Variants in MMP13 observed in about 807,000 individuals in gnomAD.
MMP13 encodes matrix metallopeptidase 13, also known as collagenase 3.
MMP13 carries 45 observed loss-of-function variants against 52.1 expected under a neutral mutation model. That is an observed-to-expected ratio of 0.86 (90% CI 0.68 to 1.11). MMP13 has a LOEUF of 1.11. Ranked by LOEUF, MMP13 falls within the 50% of genes least tolerant of loss-of-function variation. MMP13 has a pLI of 0.00. For missense variants in MMP13, 576 were observed against 583.8 expected (o/e 0.99, Z 0.14); for synonymous variants, 200 against 204.4 (o/e 0.98, Z 0.18).
intron 9 of MMP13, 22 bp downstream of exon 9, chr11:102,945,624 T>G: frequency 7.1e-7 from 1 of 1,399,196 alleles, no homozygotes. Context: ...CTCTTTAAAG[T>G]CAGTGCAATG....
Position 102,950,152 on chromosome 11 carries a change from G to A in MMP13, c.875C>T (p.Ala292Val). The A allele has an allele frequency of 6.2e-7, 1 of 1,613,676 alleles. No individual in the cohort carries two copies. The change falls in exon 6 of 10, where the codon GCC (alanine) becomes GTC (valine). Residue 292 changes from alanine to valine, a missense_variant. Ala to Val is a moderately conservative substitution (Grantham distance 64). Coordinates refer to ENST00000260302, the MANE Select transcript of MMP13 (RefSeq NM_002427.4). ...TGTTTCTCCTCGGAGACTGGTAATG[G>A]CATCAAGGGATAAGGAAGGGTCACA... ...DKCDPSLSLD[A>V]ITSLRGETMI... is the part of the protein sequence containing the mutation.
In MMP13 at chr11:102,955,418, C is replaced by T; in HGVS notation, c.196G>A (p.Glu66Lys). 6.2e-7 allele frequency: 1 copy of T among 1,614,052 alleles called. No individual in the cohort carries two copies. Among genetic ancestry groups the T allele is most frequent in the Non-Finnish European group, 8.5e-7 (1 of 1,179,946 alleles). The part of the protein sequence containing the change: ...LKENAASSMT[E>K]RLREMQSFFG... ...AAAGACTGCATTTCTCGGAGCCTCT[C>T]AGTCATGGAGCTTGCTGCATTCTCC... The change falls in exon 2 of 10, where the codon GAG (glutamate) becomes AAG (lysine). Residue 66 changes from glutamate to lysine, a missense_variant. Glu to Lys is a moderately conservative substitution (Grantham distance 56). Coordinates refer to ENST00000260302, the MANE Select transcript of MMP13 (RefSeq NM_002427.4). The surrounding 1 kb of genome is among the most constrained non-coding windows in gnomAD (Gnocchi z 4.9).
intron 8 of MMP13, among the ~76,000 whole-genome samples, chr11:102,947,381 T>C (rs1860527190): frequency 6.6e-6 from 1 of 152,038 alleles, no homozygotes; most frequent in South Asian, 2.1e-4. Context: ...GCCTGACCAG[T>C]GTGGCAAAAC....
chr11:102,948,987 C>G (rs375641186), intron 7 of MMP13, 38 bp downstream of exon 7: 9 of 1,612,796 alleles, frequency 5.6e-6, no homozygotes, highest in Middle Eastern at 1.7e-4. Context: ...CACTGCCTCC[C>G]CTGGTCTTGT....
Position 102,943,840 on chromosome 11 carries a change from T to C in MMP13, c.*426A>G, listed in dbSNP as rs182315436. ...TCCTTTGGTTTATTTCTTTTATGTA[T>C]GGCTCTCCCAAATTTCCATTTTCAT... On this transcript the variant is annotated 3_prime_UTR_variant, in exon 10 of 10. Coordinates refer to ENST00000260302, the MANE Select transcript of MMP13 (RefSeq NM_002427.4). The C allele has an allele frequency of 1.5e-3, 268 of 181,492 alleles. No individual in the cohort carries two copies. The highest frequency in any genetic ancestry group is 5.8e-3 in the African/African-American group (244 of 42,064). 11.2% of individuals were successfully genotyped at this position (181,492 alleles called of 1,614,324 possible). A position where few individuals can be genotyped will look rare whatever the true frequency, so the allele number is the denominator to read the frequency against.
chr11:102,955,579 A>G lies in MMP13; in HGVS notation c.120+7T>C, dbSNP rs1860685516. The G allele has an allele frequency of 1.2e-6, 2 of 1,613,806 alleles. No individual in the cohort carries two copies. Among genetic ancestry groups the G allele is most frequent in the African/African-American group, 1.3e-5 (1 of 74,944 alleles). Reference sequence around the variant, plus strand: ...ACCGCATCATCAGGATTGGCAAGATACTCTACCTCTGCAAACTGGAGGTCT... The same window carrying G: ...ACCGCATCATCAGGATTGGCAAGATGCTCTACCTCTGCAAACTGGAGGTCT... On this transcript the variant is annotated splice_region_variant and intron_variant, in intron 1 of 9. Coordinates refer to ENST00000260302, the MANE Select transcript of MMP13 (RefSeq NM_002427.4). The surrounding 1 kb of genome is among the most constrained non-coding windows in gnomAD (Gnocchi z 4.9).
chr11:102,951,806 G>A (rs1555017359), intron 5 of MMP13, among the ~76,000 whole-genome samples: 3 of 152,154 alleles, frequency 2.0e-5, no homozygotes, highest in African/African-American at 7.2e-5. Context: ...GCAGGCACAT[G>A]TAACACAATG....
In MMP13 at chr11:102,947,949, C is replaced by T. The variant is rs1272118147; in HGVS notation, c.1153G>A (p.Ala385Thr). 1 of 1,613,830 alleles carries T rather than the reference C, an allele frequency of 6.2e-7. No individual in the cohort carries two copies. Among genetic ancestry groups the T allele is most frequent in the Non-Finnish European group, 8.5e-7 (1 of 1,179,916 alleles). The change falls in exon 8 of 10, where the codon GCT becomes ACT. Residue 385 changes from alanine (A) to threonine (T), a missense_variant. Ala to Thr is a moderately conservative substitution (Grantham distance 58). Transcript: ENST00000260302. ...TTGCCTGTATCCTCAAAGTGAACAG[C>T]TGCACTTATCTTCTTAACTTCTTTT... ...LPKEVKKISA[A>T]VHFEDTGKTL...
At position 102,952,117 on chromosome 11, in the gene MMP13, G is replaced by GGTCAAGAC. The variant is rs1185806184; in HGVS notation, c.686_693dup (p.His232ValfsTer73). 14 of 1,613,180 alleles carry GGTCAAGAC rather than the reference G, an allele frequency of 8.7e-6. No individual in the cohort carries two copies. The highest frequency in any genetic ancestry group is 1.2e-5 in the Non-Finnish European group (14 of 1,179,436). ...ATGAGTGCTCCAGGGTCCTTGGAGT[G>GGTCAAGAC]GTCAAGACCTAAGGAGTGGCCGAAC... is the stretch of plus-strand genomic sequence containing the variant. On this transcript the variant is annotated frameshift_variant, in exon 5 of 10. Transcript: ENST00000260302. LOFTEE classifies it high-confidence loss of function. This position sits in a 1 kb window ranked among gnomAD's most constrained non-coding sequence, Gnocchi z 4.3.
chr11:102,955,686 G>A lies in MMP13; in HGVS notation c.20C>T (p.Ala7Val), dbSNP rs760915237. The A allele has an allele frequency of 6.2e-7, 1 of 1,613,980 alleles. No individual in the cohort carries two copies. Among genetic ancestry groups the A allele is most frequent in the Admixed American group, 1.7e-5 (1 of 59,996 alleles). Residue 7 changes from alanine (A) to valine (V), a missense_variant, in exon 1 of 10, where the codon GCT (alanine) becomes GTT (valine). By Grantham distance (64) the Ala-to-Val change is moderately conservative (BLOSUM62 0). Transcript: ENST00000260302. This position sits in a 1 kb window ranked among gnomAD's most constrained non-coding sequence, Gnocchi z 4.9. MHPGVL[A>V]AFLFLSWTHC... Reference sequence around the variant, plus strand: ...AGTCCAGCTCAAGAAGAGGAAGGCAGCCAGGACCCCTGGATGCATCTTGAA... The same window carrying A: ...AGTCCAGCTCAAGAAGAGGAAGGCAACCAGGACCCCTGGATGCATCTTGAA...
In MMP13 at chr11:102,952,280, T is replaced by A; in HGVS notation, c.638-107A>T. On this transcript the variant is annotated intron_variant, in intron 4 of 9. Coordinates refer to ENST00000260302, the MANE Select transcript of MMP13 (RefSeq NM_002427.4). The surrounding 1 kb of genome is among the most constrained non-coding windows in gnomAD (Gnocchi z 4.3). ...GTATGTTTCTTTCTTGGCTATATACTTTCTTTTCTCTTTCTTCAGTCTCCT... is the reference window on the plus strand; with the variant it reads ...GTATGTTTCTTTCTTGGCTATATACATTCTTTTCTCTTTCTTCAGTCTCCT... 1 of 1,284,524 alleles carries A rather than the reference T, an allele frequency of 7.8e-7. No individual in the cohort carries two copies. The highest frequency in any genetic ancestry group is 1.1e-6 in the Non-Finnish European group (1 of 903,094). The allele number at this position is 1,284,524 out of a possible 1,614,324, so 79.6% of individuals were successfully genotyped here. A position where few individuals can be genotyped will look rare whatever the true frequency, so the allele number is the denominator to read the frequency against.
In MMP13 at chr11:102,949,273, C is replaced by A; in HGVS notation, c.918-115G>T. ...CAAGTTAGATACAACCAATACCTCC[C>A]ACCTGTGAAGGGAAAAAAAATTCCA... On this transcript the variant is annotated intron_variant, in intron 6 of 9. Transcript: ENST00000260302. The surrounding 1 kb of genome is among the most constrained non-coding windows in gnomAD (Gnocchi z 4.2). 1 of 1,340,446 alleles carries A rather than the reference C, an allele frequency of 7.5e-7. No homozygotes were observed. The allele number at this position is 1,340,446 out of a possible 1,614,324, so 83.0% of individuals were successfully genotyped here.
Position 102,955,141 on chromosome 11 carries a change from G to C in MMP13, c.362+111C>G. 8.0e-7 allele frequency: 1 copy of C among 1,242,240 alleles called. No homozygotes were observed. The allele number at this position is 1,242,240 out of a possible 1,614,324, so 77.0% of individuals were successfully genotyped here. ...AGGTATTCTCGGCAACCATATTAAA[G>C]CTATTCTGGAATTTAACTGCCAATT... On this transcript the variant is annotated intron_variant, in intron 2 of 9. Coordinates refer to ENST00000260302, the MANE Select transcript of MMP13 (RefSeq NM_002427.4). This position sits in a 1 kb window ranked among gnomAD's most constrained non-coding sequence, Gnocchi z 4.9.
chr11:102,944,771 CTTTT>C (rs557080076), intron 9 of MMP13, among the ~76,000 whole-genome samples: 1 of 95,728 alleles, frequency 1.0e-5, no homozygotes, highest in Non-Finnish European at 2.1e-5. Context: ...CCACTCCCAG[CTTTT>C]TTTTTTTTTT....
chr11:102,946,637 A>T (rs116599958), intron 8 of MMP13, among the ~76,000 whole-genome samples: 1 of 152,336 alleles, frequency 6.6e-6, no homozygotes, highest in African/African-American at 2.4e-5. Context: ...GGAGAGATGC[A>T]GGGAAGGATC....
rs781966264 is a variant in MMP13 at position 102,944,298 on chromosome 11, C to T, written c.1384G>A (p.Val462Ile). ...YSIWSNRIVR[V>I]MPANSILWC ...CACAAAATGGAATTTGCTGGCATGACGCGAACAATACGGTTACTCCAGATG... is the reference window on the plus strand; with the variant it reads ...CACAAAATGGAATTTGCTGGCATGATGCGAACAATACGGTTACTCCAGATG... The change falls in exon 10 of 10, where the codon GTC becomes ATC. Residue 462 changes from valine to isoleucine, a missense_variant. Transcript: ENST00000260302. 9.1e-5 allele frequency: 146 copies of T among 1,612,990 alleles called. No homozygotes were observed. The highest frequency in any genetic ancestry group is 1.6e-4 in the Middle Eastern group (1 of 6,078).
In MMP13 at chr11:102,955,385, AGCCGAAGAAAGACT is replaced by A; in HGVS notation, c.215_228del (p.Gln72LeufsTer8). The A allele has an allele frequency of 6.2e-7, 1 of 1,614,050 alleles. No individual in the cohort carries two copies. The highest frequency in any genetic ancestry group is 8.5e-7 in the Non-Finnish European group (1 of 1,179,958). ...TCGTCAAGTTTGCCAGTCACCTCTA[AGCCGAAGAAAGACT>A]GCATTTCTCGGAGCCTCTCAGTCAT... On this transcript the variant is annotated frameshift_variant, in exon 2 of 10. Coordinates refer to ENST00000260302, the MANE Select transcript of MMP13 (RefSeq NM_002427.4). LOFTEE classifies it high-confidence loss of function. This position sits in a 1 kb window ranked among gnomAD's most constrained non-coding sequence, Gnocchi z 4.9.
At chr11:102,950,041 G>T in intron 6 of MMP13, 69 bp downstream of exon 6, 2 of 1,304,866 alleles carry the variant, frequency 1.5e-6, no homozygotes, top group Non-Finnish European at 2.2e-6. Context: ...AGGATGTTTT[G>T]GCAATATGCA....
chr11:102,949,347 G>A lies in MMP13; in HGVS notation c.918-189C>T, dbSNP rs1555017056. Among the ~76,000 whole-genome samples, 1 of 152,116 alleles carries A rather than the reference G, an allele frequency of 6.6e-6. No individual in the cohort carries two copies. Among genetic ancestry groups the A allele is most frequent in the Non-Finnish European group, 1.5e-5 (1 of 68,014 alleles). Reference sequence around the variant, plus strand: ...AGTTGTGCTATCCTAACTAGCGTAAGGTATTCAACTTTGAAATCTCACAGA... The same window carrying A: ...AGTTGTGCTATCCTAACTAGCGTAAAGTATTCAACTTTGAAATCTCACAGA... On this transcript the variant is annotated intron_variant, in intron 6 of 9. Coordinates refer to ENST00000260302, the MANE Select transcript of MMP13 (RefSeq NM_002427.4). This position sits in a 1 kb window ranked among gnomAD's most constrained non-coding sequence, Gnocchi z 4.2.
Sources: gnomAD v4.1 joint callset for allele counts (sites outside exome capture counted in the v4.1 genomes callset) on GRCh38, gnomAD v4.1.1 for gene constraint, Gnocchi (gnomAD v3.1) non-coding constraint, MANE v1.5 for transcripts, NCBI Gene and HGNC (gene_info 2026-07-23, HGNC 2026-07-21) for gene names.